Variants in KCNC1 observed in about 807,000 individuals in gnomAD.
The protein encoded by KCNC1 is potassium voltage-gated channel subfamily C member 1, also known as voltage-gated potassium channel KCNC1.
KCNC1 carries 8 observed loss-of-function variants against 43.4 expected under a neutral mutation model. The observed-to-expected ratio is 0.18, with a 90% CI of 0.11 to 0.33. KCNC1 has a LOEUF of 0.33. Among genes scored for constraint, KCNC1 ranks in the 10% least tolerant of loss-of-function variants. KCNC1 has a pLI of 1.00. For missense variants in KCNC1, 420 were observed against 836.0 expected, an observed-to-expected ratio of 0.50 and a Z score of 6.14; for synonymous variants, 361 against 360.5, an observed-to-expected ratio of 1.00 and a Z score of -0.01.
intron 1 of KCNC1, among the ~76,000 whole-genome samples, chr11:17,744,244 G>C (rs867780591): frequency 2.0e-5 from 3 of 152,240 alleles, no homozygotes; most frequent in Middle Eastern, 6.8e-3. Flanking sequence ...AAGAATTCTA[G>C]GCTTCAGCTT....
chr11:17,775,714 T>C, intron 2 of KCNC1: 1 of 985,740 alleles, frequency 1.0e-6, no homozygotes, highest in Non-Finnish European at 1.2e-6. Context: ...GGTCAGTCCT[T>C]TGTGGTGCCG....
chr11:17,776,895 G>A lies in KCNC1; in HGVS notation c.1505-2561G>A, dbSNP rs1252245296. 4 of 985,382 alleles carry A rather than the reference G, an allele frequency of 4.1e-6. No homozygotes were observed. The highest frequency in any genetic ancestry group is 4.7e-5 in the South Asian group (1 of 21,284). The allele number at this position is 985,382 out of a possible 1,614,324, so 61.0% of individuals were successfully genotyped here. A position where few individuals can be genotyped will look rare whatever the true frequency, so the allele number is the denominator to read the frequency against. On this transcript the variant is annotated intron_variant, in intron 2 of 3. Transcript: ENST00000265969. The surrounding 1 kb of genome is among the most constrained non-coding windows in gnomAD (Gnocchi z 4.4). ...AAAGCATCTTAAACCATAGATAGAC[G>A]AACAGCCCAGGGGCCTGGGCCCCTT...
At chr11:17,767,296 A>AG (rs1399015234) in intron 1 of KCNC1, among the ~76,000 whole-genome samples, 12 of 130,198 alleles carry the variant, frequency 9.2e-5, no homozygotes, top group African/African-American at 3.5e-4. Flanking sequence ...AAAAAAAAAA[A>AG]AAAAGAAAAG....
intron 1 of KCNC1, among the ~76,000 whole-genome samples, chr11:17,759,104 A>G (rs915898443): frequency 6.6e-6 from 1 of 152,272 alleles, no homozygotes; most frequent in Non-Finnish European, 1.5e-5. Flanking sequence ...GATCTTCTGG[A>G]TAACTTGCTA....
chr11:17,743,261 G>A (rs1469928748), intron 1 of KCNC1, among the ~76,000 whole-genome samples: 3 of 152,216 alleles, frequency 2.0e-5, no homozygotes, highest in Non-Finnish European at 4.4e-5. Flanking sequence ...ACCTCAGTCT[G>A]TCTGACGCTG....
Position 17,781,304 on chromosome 11 carries a change from AG to A in KCNC1, c.1694-365del. 4.6e-6 allele frequency: 1 copy of A among 219,772 alleles called. No homozygotes were observed. The highest frequency in any genetic ancestry group is 9.0e-6 in the Non-Finnish European group (1 of 111,564). The allele number at this position is 219,772 out of a possible 1,614,324, so 13.6% of individuals were successfully genotyped here. A position where few individuals can be genotyped will look rare whatever the true frequency, so the allele number is the denominator to read the frequency against. ...AGTCCCACCGAGGCTTAGGTGCCAGAGTCTTTGGGAGGCGCTAAGGGTGAAG... is the reference window on the plus strand; with the variant it reads ...AGTCCCACCGAGGCTTAGGTGCCAGATCTTTGGGAGGCGCTAAGGGTGAAG... On this transcript the variant is annotated intron_variant, in intron 3 of 3. Transcript: ENST00000265969. The surrounding 1 kb of genome is among the most constrained non-coding windows in gnomAD (Gnocchi z 5.1).
intron 1 of KCNC1, among the ~76,000 whole-genome samples, chr11:17,737,244 G>C (rs569008437): frequency 4.7e-4 from 71 of 152,276 alleles, no homozygotes; most frequent in African/African-American, 1.6e-3. Flanking sequence ...CTGAGCCCCC[G>C]ATCCTGAGAT....
Position 17,777,921 on chromosome 11 carries a change from T to C in KCNC1, c.1505-1535T>C. On this transcript the variant is annotated intron_variant, in intron 2 of 3. Transcript: ENST00000265969. This position sits in a 1 kb window ranked among gnomAD's most constrained non-coding sequence, Gnocchi z 4.3. ...GCGTGTGCACGTGGGGAAGGATCAC[T>C]TCTGCGTGTAGTTACATGATGTGAA... 1.2e-6 allele frequency: 1 copy of C among 832,608 alleles called. No individual in the cohort carries two copies. Among genetic ancestry groups the C allele is most frequent in the Non-Finnish European group, 1.4e-6 (1 of 690,050 alleles). The allele number at this position is 832,608 out of a possible 1,614,324, so 51.6% of individuals were successfully genotyped here.
chr11:17,779,322 A>C lies in KCNC1; in HGVS notation c.1505-134A>C. The C allele has an allele frequency of 1.5e-5, 10 of 685,644 alleles. No homozygotes were observed. The highest frequency in any genetic ancestry group is 4.7e-5 in the South Asian group (2 of 42,134). 42.5% of individuals were successfully genotyped at this position (685,644 alleles called of 1,614,324 possible). A position where few individuals can be genotyped will look rare whatever the true frequency, so the allele number is the denominator to read the frequency against. ...CCCTGCCTTGTGCCCTCCTCGCTCC[A>C]CAGCCTGCCCGCTTTTCCGTCCTCA... On this transcript the variant is annotated intron_variant, in intron 2 of 3. Coordinates refer to ENST00000265969, the MANE Select transcript of KCNC1 (RefSeq NM_001112741.2). This position sits in a 1 kb window ranked among gnomAD's most constrained non-coding sequence, Gnocchi z 7.2.
chr11:17,760,329 T>C (rs921191040), intron 1 of KCNC1, among the ~76,000 whole-genome samples: 3 of 152,192 alleles, frequency 2.0e-5, no homozygotes, highest in Admixed American at 6.5e-5. Context: ...GACACCTGCT[T>C]GTTCTAAGCC....
chr11:17,779,787 C>T lies in KCNC1; in HGVS notation c.1693+143C>T, dbSNP rs1849326858. 4 of 669,390 alleles carry T rather than the reference C, an allele frequency of 6.0e-6. No individual in the cohort carries two copies. Among genetic ancestry groups the T allele is most frequent in the Admixed American group, 3.8e-5 (1 of 26,620 alleles). The allele number at this position is 669,390 out of a possible 1,614,324, so 41.5% of individuals were successfully genotyped here. On this transcript the variant is annotated intron_variant, in intron 3 of 3. Transcript: ENST00000265969. This position sits in a 1 kb window ranked among gnomAD's most constrained non-coding sequence, Gnocchi z 7.2. ...AAGGATGGAGGGAATCTCCCAGGGT[C>T]GGCCCCTGGAGGGCTGAGGCCCTTC...
chr11:17,747,922 C>T (rs893616424), intron 1 of KCNC1, among the ~76,000 whole-genome samples: 1 of 152,210 alleles, frequency 6.6e-6, no homozygotes, highest in Admixed American at 6.5e-5. Context: ...CAACTCCTCT[C>T]CCCACACTCC....
chr11:17,739,673 C>CTGTG lies in KCNC1; in HGVS notation c.570+3127_570+3130dup, dbSNP rs10534547. On this transcript the variant is annotated intron_variant, in intron 1 of 3. Transcript: ENST00000265969. This position sits in a 1 kb window ranked among gnomAD's most constrained non-coding sequence, Gnocchi z 4.2. ...GTATATGTGGAGCTCATGTGTGAGT[C>CTGTG]TGTGTGTGTGTGTGTGTGTGTGTGT... 7.3e-4 allele frequency among the ~76,000 whole-genome samples: 105 copies of CTGTG among 143,116 alleles called. 1 individual carries two copies. Among genetic ancestry groups the CTGTG allele is most frequent in the African/African-American group, 1.8e-3 (71 of 39,152 alleles). The allele number at this position is 143,116 out of a possible 152,430, so 93.9% of individuals were successfully genotyped here. A position where few individuals can be genotyped will look rare whatever the true frequency, so the allele number is the denominator to read the frequency against.
chr11:17,765,486 G>A lies in KCNC1; in HGVS notation c.571-6179G>A, dbSNP rs118003923. ...AAACATTTTCTTAAGTCAACAGATC[G>A]TTAGTAGGTTTGTCTGACTTTACAG... is the stretch of plus-strand genomic sequence containing the variant. On this transcript the variant is annotated intron_variant, in intron 1 of 3. Transcript: ENST00000265969. Among the ~76,000 whole-genome samples the A allele has an allele frequency of 3.0e-3, 458 of 152,246 alleles. 1 individual carries two copies. The highest frequency in any genetic ancestry group is 6.3e-3 in the Admixed American group (96 of 15,296).
intron 1 of KCNC1, among the ~76,000 whole-genome samples, chr11:17,746,330 TCTC>T (rs1848899546): frequency 6.6e-6 from 1 of 152,194 alleles, no homozygotes; most frequent in Non-Finnish European, 1.5e-5. Flanking sequence ...TCGAACTTCT[TCTC>T]TGCGCTGCAT....
intron 1 of KCNC1, among the ~76,000 whole-genome samples, chr11:17,754,308 G>T (rs1416021791): frequency 6.6e-6 from 1 of 152,202 alleles, no homozygotes; most frequent in Non-Finnish European, 1.5e-5. Flanking sequence ...TCTATGGCTG[G>T]TTGAGTCACA....
rs1016293029 is a variant in KCNC1, at chr11:17,773,130, G to A, written c.1504+532G>A. ...GGTGCAAGGGTTCTCACCCCCGGCA[G>A]AGCCTGTCTCCATAGCTGAGTAGAA... is the stretch of plus-strand genomic sequence containing the variant. On this transcript the variant is annotated intron_variant, in intron 2 of 3. Coordinates refer to ENST00000265969, the MANE Select transcript of KCNC1 (RefSeq NM_001112741.2). The surrounding 1 kb of genome is among the most constrained non-coding windows in gnomAD (Gnocchi z 4.1). The A allele has an allele frequency of 1.8e-5, 18 of 989,798 alleles. No homozygotes were observed. Among genetic ancestry groups the A allele is most frequent in the Non-Finnish European group, 1.9e-5 (16 of 833,000 alleles). The allele number at this position is 989,798 out of a possible 1,614,324, so 61.3% of individuals were successfully genotyped here.
intron 1 of KCNC1, among the ~76,000 whole-genome samples, chr11:17,759,425 C>A (rs931220409): frequency 6.6e-6 from 1 of 152,132 alleles, no homozygotes; most frequent in African/African-American, 2.4e-5. Context: ...TTTCAATTTC[C>A]TTTTAGAACT....
Position 17,750,219 on chromosome 11 carries a change from G to A in KCNC1, c.570+13647G>A, listed in dbSNP as rs961840068. On this transcript the variant is annotated intron_variant, in intron 1 of 3. Transcript: ENST00000265969. ...CGTGGCTGGCACATGGGAGACACTC[G>A]CCAAGGGCTGGATCTGGTGACCTGG... 3.9e-5 allele frequency among the ~76,000 whole-genome samples: 6 copies of A among 152,180 alleles called. No homozygotes were observed. In the South Asian group the frequency reaches 1.0e-3, roughly 26 times the overall value.
Sources: gnomAD v4.1 joint callset for allele counts (sites outside exome capture counted in the v4.1 genomes callset) on GRCh38, gnomAD v4.1.1 for gene constraint, Gnocchi (gnomAD v3.1) non-coding constraint, MANE v1.5 for transcripts, NCBI Gene and HGNC (gene_info 2026-07-23, HGNC 2026-07-21) for gene names.